Variants in PHACTR3 observed in about 807,000 individuals in gnomAD.
The protein encoded by PHACTR3 is protein phosphatase 1, regulatory subunit 123.
Under a neutral mutation model 66.8 loss-of-function variants are expected in PHACTR3, and 16 were observed. The ratio of observed to expected loss-of-function variants is 0.24; its 90% CI spans 0.16 to 0.36. The LOEUF is 0.36. Ranked by LOEUF, PHACTR3 falls within the 10% of genes least tolerant of loss-of-function variation. The probability of loss-of-function intolerance (pLI) is 1.00; values close to 1 mark genes in which losing one functional copy is unlikely to be tolerated. For missense variants in PHACTR3, 647 were observed against 719.9 expected (o/e 0.90, Z 1.16); for synonymous variants, 323 against 292.1 (o/e 1.11, Z -1.08).
intron 1 of PHACTR3, among the ~76,000 whole-genome samples, chr20:59,620,136 C>T (rs551277519): frequency 2.6e-5 from 4 of 152,196 alleles, no homozygotes; most frequent in Non-Finnish European, 4.4e-5. Flanking sequence ...GGCCCCATAG[C>T]CACTCCTTTT....
chr20:59,732,887 G>A (rs1414106707), intron 1 of PHACTR3, among the ~76,000 whole-genome samples: 2 of 152,108 alleles, frequency 1.3e-5, no homozygotes, highest in Admixed American at 6.5e-5. Context: ...TTGTGCAGTT[G>A]TTGAGGTCTC....
At chr20:59,748,605 G>A (rs1199398696) in intron 3 of PHACTR3, among the ~76,000 whole-genome samples, 2 of 152,144 alleles carry the variant, frequency 1.3e-5, no homozygotes, top group African/African-American at 4.8e-5. Context: ...GAGGTGTGAG[G>A]CCCAGGACTT....
chr20:59,715,748 GATACTCAAATGTTTAGAAGAGGTGAC>G (rs949305563), intron 1 of PHACTR3, among the ~76,000 whole-genome samples: 1 of 152,104 alleles, frequency 6.6e-6, no homozygotes, highest in African/African-American at 2.4e-5. Flanking sequence ...TCCTTCATCA[GATACTCAAATGTTTAGAAGAGGTGAC>G]ATCCTTTACG....
intron 4 of PHACTR3, among the ~76,000 whole-genome samples, chr20:59,762,349 C>T (rs2040020850): frequency 6.6e-6 from 1 of 152,260 alleles, no homozygotes; most frequent in Admixed American, 6.5e-5. Context: ...GGCACTATGA[C>T]CATTGACTCA....
In PHACTR3 at chr20:59,608,264, C is replaced by T. The variant is rs551745227; in HGVS notation, c.118+3132C>T. Among the ~76,000 whole-genome samples, 25 of 152,178 alleles carry T rather than the reference C, an allele frequency of 1.6e-4. No homozygotes were observed. In the East Asian group the frequency reaches 4.1e-3, roughly 25 times the overall value. ...GGGTCTGTGGCCATGGACTGTGTGG[C>T]GGGGATGAAATATTTCCCCTAGGCC... On this transcript the variant is annotated intron_variant, in intron 1 of 12. Coordinates refer to ENST00000371015, the MANE Select transcript of PHACTR3 (RefSeq NM_080672.5).
At chr20:59,768,633 G>A (rs1464675934) in intron 5 of PHACTR3, among the ~76,000 whole-genome samples, 2 of 152,242 alleles carry the variant, frequency 1.3e-5, no homozygotes, top group African/African-American at 4.8e-5. Context: ...TTTTGGAAGA[G>A]GTGTCAGCTG....
At chr20:59,707,343 G>A (rs1240189629) in intron 1 of PHACTR3, among the ~76,000 whole-genome samples, 1 of 152,128 alleles carries the variant, frequency 6.6e-6, no homozygotes, top group Non-Finnish European at 1.5e-5. Flanking sequence ...GTGATCCCCA[G>A]TGTTAAAGGT....
chr20:59,784,275 T>C (rs1053490459), intron 7 of PHACTR3, among the ~76,000 whole-genome samples: 1 of 151,848 alleles, frequency 6.6e-6, no homozygotes, highest in African/African-American at 2.4e-5. Context: ...AATAAATGTC[T>C]TAAAACACAC....
intron 1 of PHACTR3, among the ~76,000 whole-genome samples, chr20:59,651,719 A>G (rs1473771457): frequency 6.6e-6 from 1 of 152,196 alleles, no homozygotes; most frequent in African/African-American, 2.4e-5. Context: ...GGAAGACAAT[A>G]AAAGAAATGA....
At chr20:59,801,870 G>A (rs1337110521) in intron 7 of PHACTR3, among the ~76,000 whole-genome samples, 2 of 152,180 alleles carry the variant, frequency 1.3e-5, no homozygotes, top group African/African-American at 2.4e-5. Flanking sequence ...GATAAATGCC[G>A]GTTTTACCTT....
chr20:59,805,639 G>C (rs975301872), intron 7 of PHACTR3, among the ~76,000 whole-genome samples: 1 of 152,210 alleles, frequency 6.6e-6, no homozygotes, highest in African/African-American at 2.4e-5. Flanking sequence ...TGGGCAGGGA[G>C]AAAGTGCAGG....
At chr20:59,813,229 G>A (rs1339444141) in intron 8 of PHACTR3, among the ~76,000 whole-genome samples, 1 of 152,164 alleles carries the variant, frequency 6.6e-6, no homozygotes, top group African/African-American at 2.4e-5. Flanking sequence ...CCTCACTGAG[G>A]AGCGAACACA....
chr20:59,799,729 T>G (rs2041358233), intron 7 of PHACTR3, among the ~76,000 whole-genome samples: 1 of 152,144 alleles, frequency 6.6e-6, no homozygotes, highest in Admixed American at 6.5e-5. Context: ...CAGCACATAG[T>G]TTTGTCTCAT....
chr20:59,746,931 T>G (rs2039393082), intron 2 of PHACTR3, among the ~76,000 whole-genome samples: 1 of 152,166 alleles, frequency 6.6e-6, no homozygotes, highest in South Asian at 2.1e-4. Flanking sequence ...GAAACAGCCC[T>G]TGCAAAGCTG....
At chr20:59,723,021 T>G (rs1281387363) in intron 1 of PHACTR3, among the ~76,000 whole-genome samples, 1 of 152,064 alleles carries the variant, frequency 6.6e-6, no homozygotes, top group Non-Finnish European at 1.5e-5. Context: ...TCTTCCCTTT[T>G]TTTCTTTTTT....
At chr20:59,664,161 A>C (rs1478382750) in intron 1 of PHACTR3, among the ~76,000 whole-genome samples, 1 of 152,214 alleles carries the variant, frequency 6.6e-6, no homozygotes, top group South Asian at 2.1e-4. Context: ...TAACAAATGG[A>C]TAAGAAAAAT....
chr20:59,633,558 C>G (rs560448459), intron 1 of PHACTR3, among the ~76,000 whole-genome samples: 35 of 152,288 alleles, frequency 2.3e-4, no homozygotes, highest in African/African-American at 7.9e-4. Context: ...CAGCAAGCCA[C>G]CATGGCACAT....
intron 1 of PHACTR3, among the ~76,000 whole-genome samples, chr20:59,635,150 T>TCTTTTTCTTTCTTTCTTTCCTTTCC (rs35413184): frequency 5.2e-5 from 1 of 19,202 alleles, no homozygotes; most frequent in Non-Finnish European, 1.0e-4. Flanking sequence ...TTTCTTTCTT[T>TCTTTTTCTTTCTTTCTTTCCTTTCC]TTCTTTCTTT....
intron 1 of PHACTR3, among the ~76,000 whole-genome samples, chr20:59,592,874 A>G (rs2033224887): frequency 1.3e-5 from 2 of 152,022 alleles, no homozygotes; most frequent in African/African-American, 2.4e-5. Flanking sequence ...TGGATCTACC[A>G]TAGTTTGTTT....
Sources: gnomAD v4.1 joint callset for allele counts (sites outside exome capture counted in the v4.1 genomes callset) on GRCh38, gnomAD v4.1.1 for gene constraint, MANE v1.5 for transcripts, NCBI Gene and HGNC (gene_info 2026-07-23, HGNC 2026-07-21) for gene names.